CADM2: variants seen among roughly 807,000 people sequenced by gnomAD.
CADM2 encodes the protein immunoglobulin superfamily member 4D.
A neutral mutation model predicts 49.8 loss-of-function variants in CADM2; 12 were observed. The ratio of observed to expected loss-of-function variants is 0.24; its 90% CI spans 0.15 to 0.39. The LOEUF (loss-of-function observed/expected upper bound fraction) is 0.39, where lower values mean the gene tolerates loss of function less well. CADM2 is among the 10% of genes least tolerant of loss of function. CADM2 has a pLI of 1.00. For synonymous variants in CADM2, 214 were observed against 175.4 expected (o/e 1.22, Z -1.74); for missense variants, 378 against 492.3 (o/e 0.77, Z 2.20).
chr3:85,219,081 CAT>C (rs1348191734), intron 1 of CADM2, among the ~76,000 whole-genome samples: 1 of 151,948 alleles, frequency 6.6e-6, no homozygotes, highest in East Asian at 1.9e-4. Context: ...AAGAGAAAAA[CAT>C]AGAATGCATA....
chr3:85,602,173 G>A (rs758824533), intron 1 of CADM2, among the ~76,000 whole-genome samples: 26 of 151,748 alleles, frequency 1.7e-4, no homozygotes, highest in Non-Finnish European at 1.5e-4. Flanking sequence ...TACGGTTGAA[G>A]CTTTAAATAA....
At chr3:85,172,781 G>A (rs908982097) in intron 1 of CADM2, among the ~76,000 whole-genome samples, 1 of 150,036 alleles carries the variant, frequency 6.7e-6, no homozygotes, top group African/African-American at 2.4e-5. Flanking sequence ...GTGGCTCTGC[G>A]CATATGGTGA....
intron 1 of CADM2, among the ~76,000 whole-genome samples, chr3:85,168,970 TG>T (rs2040547144): frequency 6.6e-6 from 1 of 152,124 alleles, no homozygotes; most frequent in Admixed American, 6.6e-5. Flanking sequence ...TTTATTTATT[TG>T]GGATGGAGTT....
chr3:85,254,805 T>C (rs2042849237), intron 1 of CADM2, among the ~76,000 whole-genome samples: 1 of 151,922 alleles, frequency 6.6e-6, no homozygotes, highest in African/African-American at 2.4e-5. Context: ...GAGCTCTACA[T>C]TTTGGTTGAG....
chr3:85,586,503 C>A (rs2062950679), intron 1 of CADM2, among the ~76,000 whole-genome samples: 1 of 151,972 alleles, frequency 6.6e-6, no homozygotes, highest in Non-Finnish European at 1.5e-5. Context: ...TGCTATTTCC[C>A]ATTTAGATTT....
chr3:85,585,076 G>C (rs2062900668), intron 1 of CADM2, among the ~76,000 whole-genome samples: 1 of 151,894 alleles, frequency 6.6e-6, no homozygotes, highest in Non-Finnish European at 1.5e-5. Flanking sequence ...CTCTTAAATT[G>C]CATGCCATTC....
intron 2 of CADM2, among the ~76,000 whole-genome samples, chr3:85,766,058 T>C (rs180867315): frequency 3.3e-5 from 5 of 152,276 alleles, no homozygotes; most frequent in South Asian, 2.1e-4. Context: ...TAGAATACGA[T>C]GCAGTTTTCT....
intron 1 of CADM2, among the ~76,000 whole-genome samples, chr3:85,185,707 T>C (rs906049671): frequency 6.6e-6 from 1 of 152,104 alleles, no homozygotes. Context: ...TCCTCTACAA[T>C]GGAGCCTCTG....
chr3:85,987,214 A>G (rs997871592), intron 8 of CADM2, among the ~76,000 whole-genome samples: 3 of 152,062 alleles, frequency 2.0e-5, no homozygotes, highest in African/African-American at 7.2e-5. Context: ...TATTAAAGGA[A>G]GCAGAACATT....
intron 3 of CADM2, among the ~76,000 whole-genome samples, chr3:85,880,447 C>A (rs1252890386): frequency 2.6e-5 from 4 of 151,984 alleles, no homozygotes; most frequent in Admixed American, 1.3e-4. Flanking sequence ...ATTACTAATT[C>A]TTTTATGTTT....
At chr3:85,259,558 C>T (rs1313685774) in intron 1 of CADM2, among the ~76,000 whole-genome samples, 1 of 151,998 alleles carries the variant, frequency 6.6e-6, no homozygotes, top group Non-Finnish European at 1.5e-5. Context: ...TTCCTTTAAA[C>T]ATTTACAAAC....
At chr3:85,959,066 A>ATATC (rs1724469955) in intron 7 of CADM2, among the ~76,000 whole-genome samples, 4 of 106,608 alleles carry the variant, frequency 3.8e-5, no homozygotes, top group South Asian at 2.9e-4. Flanking sequence ...ATCTATATCT[A>ATATC]TATATCTATA....
intron 1 of CADM2, among the ~76,000 whole-genome samples, chr3:85,076,621 A>G (rs1482962233): frequency 1.3e-5 from 2 of 152,018 alleles, no homozygotes; most frequent in Admixed American, 1.3e-4. Context: ...TGCTGGAATT[A>G]CAGGCATGAG....
At position 86,066,754 on chromosome 3, in the gene CADM2, G is replaced by T. The variant is rs374641690; in HGVS notation, c.1186G>T (p.Ala396Ser). Residue 396 changes from alanine (A) to serine (S), a missense_variant, in exon 10 of 10, where the codon GCT becomes TCT. Physicochemically the swap from Ala to Ser is moderately conservative, Grantham distance 99. Transcript: ENST00000383699. Reference protein sequence around the residue: ...IINAEGSQVNAEEKKEYFI With the variant: ...IINAEGSQVNSEEKKEYFI ...CAATGCTGAAGGCAGCCAAGTCAAT[G>T]CTGAAGAGAAAAAAGAGTATTTCAT... 6.2e-7 allele frequency: 1 copy of T among 1,613,282 alleles called. No homozygotes were observed. Among genetic ancestry groups the T allele is most frequent in the Non-Finnish European group, 8.5e-7 (1 of 1,179,264 alleles).
chr3:85,982,820 A>G (rs1231011230), intron 8 of CADM2, among the ~76,000 whole-genome samples: 2 of 151,718 alleles, frequency 1.3e-5, no homozygotes, highest in Non-Finnish European at 3.0e-5. Context: ...ATAAGAATAT[A>G]TTGCCTACGA....
chr3:85,625,599 C>G (rs2064103162), intron 1 of CADM2, among the ~76,000 whole-genome samples: 1 of 151,988 alleles, frequency 6.6e-6, no homozygotes, highest in Admixed American at 6.6e-5. Flanking sequence ...GAGGATGTCA[C>G]TCTTCTGAAA....
chr3:85,972,591 A>C (rs1227893846), intron 8 of CADM2, among the ~76,000 whole-genome samples: 1 of 151,778 alleles, frequency 6.6e-6, no homozygotes, highest in Non-Finnish European at 1.5e-5. Context: ...GACTCTTTAG[A>C]CTTAATTTTG....
chr3:85,155,979 G>A (rs971589683), intron 1 of CADM2, among the ~76,000 whole-genome samples: 2 of 152,148 alleles, frequency 1.3e-5, no homozygotes, highest in Non-Finnish European at 2.9e-5. Context: ...ATGCCCACAA[G>A]AGAAAGCAGG....
At chr3:85,169,536 C>A (rs2040563508) in intron 1 of CADM2, among the ~76,000 whole-genome samples, 1 of 152,080 alleles carries the variant, frequency 6.6e-6, no homozygotes, top group Non-Finnish European at 1.5e-5. Context: ...TTCTGGGAGG[C>A]TGAAGCAGGT....
Sources: gnomAD v4.1 joint callset for allele counts (sites outside exome capture counted in the v4.1 genomes callset) on GRCh38, gnomAD v4.1.1 for gene constraint, MANE v1.5 for transcripts, NCBI Gene and HGNC (gene_info 2026-07-23, HGNC 2026-07-21) for gene names.